The following PHF7 variants were observed in gnomAD, a reference collection of about 807,000 sequenced individuals.
PHF7 encodes the protein PHD finger protein 7, also known as E3 ubiquitin-protein ligase PHF7.
A neutral mutation model predicts 47.5 loss-of-function variants in PHF7; 24 were observed. That is an observed-to-expected ratio of 0.51 (90% CI 0.37 to 0.71). The LOEUF is 0.71. Among genes scored for constraint, PHF7 ranks in the 30% least tolerant of loss-of-function variants. The probability of loss-of-function intolerance (pLI) is 0.00; values close to 1 mark genes in which losing one functional copy is unlikely to be tolerated. For synonymous variants in PHF7, 156 were observed against 153.8 expected (o/e 1.01, Z -0.11); for missense variants, 361 against 456.8 (o/e 0.79, Z 1.91).
chr3:52,422,957 A>G (rs2272088), intron 10 of PHF7, 76 bp downstream of exon 10: 496,020 of 1,592,166 alleles, frequency 0.31, 80,528 homozygotes, highest in East Asian at 0.42. Context: ...GAAAGGAGGA[A>G]GACATCCCAC....
chr3:52,413,224 A>T (rs1189274134), intron 2 of PHF7, among the ~76,000 whole-genome samples: 1 of 152,228 alleles, frequency 6.6e-6, no homozygotes, highest in Non-Finnish European at 1.5e-5. Flanking sequence ...TAATAATGGC[A>T]TGTACTTTTT....
At chr3:52,419,689 C>T in intron 4 of PHF7, 144 bp from the exon 5 acceptor site, 1 of 683,360 alleles carries the variant, frequency 1.5e-6, no homozygotes, top group East Asian at 2.9e-5. Context: ...CCTCGGCCTC[C>T]CAAAGTGCCG....
At chr3:52,415,009 T>C (rs1159027454) in intron 4 of PHF7, among the ~76,000 whole-genome samples, 1 of 151,778 alleles carries the variant, frequency 6.6e-6, no homozygotes, top group Non-Finnish European at 1.5e-5. Flanking sequence ...AAAAGAAAAA[T>C]ATATGTGTCT....
intron 3 of PHF7, 122 bp from the exon 4 acceptor site, chr3:52,414,374 C>CA: frequency 1.5e-6 from 1 of 688,540 alleles, no homozygotes. Flanking sequence ...TCCTCCTTGC[C>CA]AAAATGACCC....
chr3:52,420,366 G>A lies in PHF7; in HGVS notation c.344G>A (p.Cys115Tyr), dbSNP rs1025730318. The A allele has an allele frequency of 1.2e-6, 2 of 1,613,924 alleles. No individual in the cohort carries two copies. Among genetic ancestry groups the A allele is most frequent in the Non-Finnish European group, 1.7e-6 (2 of 1,179,748 alleles). Reference sequence around the variant, plus strand: ...GCTATCAACTGCCAGAAGGATCAGTGCCTCAGAAACTTCCATCTGCCTTGT... The same window carrying A: ...GCTATCAACTGCCAGAAGGATCAGTACCTCAGAAACTTCCATCTGCCTTGT... Reference protein sequence around the residue: ...GAAINCQKDQCLRNFHLPCGQ... With the variant: ...GAAINCQKDQYLRNFHLPCGQ... The change falls in exon 6 of 11, where the codon TGC becomes TAC. Residue 115 changes from cysteine to tyrosine, a missense_variant. Coordinates refer to ENST00000327906, the MANE Select transcript of PHF7 (RefSeq NM_016483.7).
intron 4 of PHF7, chr3:52,414,844 TAAAAAAA>T (rs80181327): frequency 9.3e-6 from 1 of 107,256 alleles, no homozygotes; most frequent in Admixed American, 9.5e-5. Context: ...ACAAAAAAAT[TAAAAAAA>T]AAAAAAAAAA....
rs767340949 is a variant in PHF7, at chr3:52,422,753, C to T, written c.798-7C>T. 1.9e-6 allele frequency: 3 copies of T among 1,613,994 alleles called. No individual in the cohort carries two copies. The highest frequency in any genetic ancestry group is 2.2e-5 in the South Asian group (2 of 91,082). ...TCTCCACAACCCTTCCTGGGCTCTT[C>T]CTCTAGGAGGTGGTGCCTCATTCTG... On this transcript the variant is annotated splice_region_variant and splice_polypyrimidine_tract_variant and intron_variant, in intron 9 of 10. Coordinates refer to ENST00000327906, the MANE Select transcript of PHF7 (RefSeq NM_016483.7).
intron 4 of PHF7, 29 bp downstream of exon 4, chr3:52,414,616 T>C: frequency 7.6e-7 from 1 of 1,307,946 alleles, no homozygotes; most frequent in Non-Finnish European, 1.1e-6. Flanking sequence ...TTGCTTTGAA[T>C]ATCCTATGGC....
chr3:52,413,535 A>T (rs1458216576), intron 2 of PHF7, among the ~76,000 whole-genome samples: 1 of 152,000 alleles, frequency 6.6e-6, no homozygotes, highest in Non-Finnish European at 1.5e-5. Flanking sequence ...TTTTGCACTT[A>T]AAAAAAATAT....
chr3:52,412,205 A>G (rs890654198), intron 1 of PHF7, among the ~76,000 whole-genome samples: 1 of 151,908 alleles, frequency 6.6e-6, no homozygotes, highest in Non-Finnish European at 1.5e-5. Context: ...CTGTCTGAAA[A>G]AAAAAAAAAG....
Position 52,423,072 on chromosome 3 carries a change from C to T in PHF7, c.920-19C>T, listed in dbSNP as rs1705842644. The T allele has an allele frequency of 6.4e-7, 1 of 1,569,342 alleles. No homozygotes were observed. The highest frequency in any genetic ancestry group is 1.1e-5 in the South Asian group (1 of 90,054). ...GAAGCAGAGGCTTGAGTTTTCCTCT[C>T]CTGCCTTTCTCTCACCAGACTACAT... On this transcript the variant is annotated intron_variant, in intron 10 of 10. Coordinates refer to ENST00000327906, the MANE Select transcript of PHF7 (RefSeq NM_016483.7).
At position 52,414,576 on chromosome 3, in the gene PHF7, T is replaced by C; in HGVS notation, c.175T>C (p.Tyr59His). Residue 59 changes from tyrosine to histidine, a missense_variant, in exon 4 of 11, where the codon TAT (tyrosine) becomes CAT (histidine). Coordinates refer to ENST00000327906, the MANE Select transcript of PHF7 (RefSeq NM_016483.7). ...TCAGAAAGACAATATCAGCGTGCAT[T>C]ATTTCTGTCTTGTGAGTATGAGGCC... ...FLQKDNISVH[Y>H]FCLILSSKLP... 1 of 1,606,640 alleles carries C rather than the reference T, an allele frequency of 6.2e-7. No individual in the cohort carries two copies. The highest frequency in any genetic ancestry group is 8.5e-7 in the Non-Finnish European group (1 of 1,173,878).
At chr3:52,413,245 G>A (rs1705514792) in intron 2 of PHF7, among the ~76,000 whole-genome samples, 1 of 152,168 alleles carries the variant, frequency 6.6e-6, no homozygotes, top group African/African-American at 2.4e-5. Context: ...AGAGTGTTCT[G>A]TAGATTCATT....
chr3:52,416,278 C>T (rs574667346), intron 4 of PHF7, among the ~76,000 whole-genome samples: 89 of 151,044 alleles, frequency 5.9e-4, no homozygotes, highest in African/African-American at 2.0e-3. Context: ...CTCCACCTCC[C>T]GGGTTGGAGC....
chr3:52,413,521 T>C (rs1457093804), intron 2 of PHF7, among the ~76,000 whole-genome samples: 1 of 152,000 alleles, frequency 6.6e-6, no homozygotes, highest in Non-Finnish European at 1.5e-5. Context: ...ACTCAGTGAG[T>C]ATGTTTTGCA....
In PHF7 at chr3:52,421,728, G is replaced by A. The variant is rs1705797715; in HGVS notation, c.654G>A (p.Leu218=). The part of the protein sequence containing the change: ...NNRKEFPQEM[L]RMGIHIPDRD... ...GAAAAGAGTTTCCTCAAGAAATGCT[G>A]AGAATGGGAATTCATATTCCAGACA... The change falls in exon 8 of 11, where the codon CTG becomes CTA. Residue 218 remains leucine, a synonymous_variant. Transcript: ENST00000327906. 2 of 1,599,462 alleles carry A rather than the reference G, an allele frequency of 1.3e-6. No homozygotes were observed. Among genetic ancestry groups the A allele is most frequent in the African/African-American group, 1.3e-5 (1 of 74,556 alleles).
intron 2 of PHF7, 64 bp from the exon 3 acceptor site, chr3:52,413,932 T>C: frequency 3.6e-6 from 4 of 1,097,180 alleles, no homozygotes; most frequent in Non-Finnish European, 5.6e-6. Flanking sequence ...TTAAGAGAAA[T>C]GTTAAAAAGG....
intron 1 of PHF7, 42 bp from the exon 2 acceptor site, chr3:52,412,769 T>C (rs2153228882): frequency 1.1e-6 from 1 of 885,660 alleles, no homozygotes; most frequent in Non-Finnish European, 1.8e-6. Flanking sequence ...GATAACCAAA[T>C]ACAGAATTAA....
Position 52,418,754 on chromosome 3 carries a change from C to G in PHF7, c.187-1079C>G, listed in dbSNP as rs564596408. Among the ~76,000 whole-genome samples the G allele has an allele frequency of 4.5e-4, 68 of 152,104 alleles. No homozygotes were observed. In the Middle Eastern group the frequency reaches 0.01, roughly 23 times the overall value. On this transcript the variant is annotated intron_variant, in intron 4 of 10. Coordinates refer to ENST00000327906, the MANE Select transcript of PHF7 (RefSeq NM_016483.7). The stretch of plus-strand genomic sequence containing the variant: ...GGCAGTGTCACTTGCCACACTGCAC[C>G]TCAGCGGCCTCCTCTGTAAGATGAG...
Sources: gnomAD v4.1 joint callset for allele counts (sites outside exome capture counted in the v4.1 genomes callset) on GRCh38, gnomAD v4.1.1 for gene constraint, MANE v1.5 for transcripts, NCBI Gene and HGNC (gene_info 2026-07-23, HGNC 2026-07-21) for gene names.